LSP1: variants seen among roughly 807,000 people sequenced by gnomAD.
LSP1 encodes the protein lymphocyte specific protein 1, also known as lymphocyte-specific protein 1.
LSP1 carries 32 observed loss-of-function variants against 49.3 expected under a neutral mutation model. That is an observed-to-expected ratio of 0.65 (90% CI 0.49 to 0.87). The LOEUF is 0.87. LSP1 is among the 40% of genes least tolerant of loss of function. LSP1 has a pLI of 0.00. For synonymous variants in LSP1, 179 were observed against 178.8 expected, an observed-to-expected ratio of 1.00 and a Z score of -0.01; for missense variants, 428 against 442.6, an observed-to-expected ratio of 0.97 and a Z score of 0.30.
chr11:1,855,625 C>G (rs563989354), intron 1 of LSP1, among the ~76,000 whole-genome samples: 3 of 152,244 alleles, frequency 2.0e-5, no homozygotes, highest in Non-Finnish European at 4.4e-5. Context: ...AAGAAGGTCC[C>G]CTGACCCTGG....
rs143133439 is a variant in LSP1, at chr11:1,884,154, C to A, written c.592-126C>A. 51 of 1,417,590 alleles carry A rather than the reference C, an allele frequency of 3.6e-5. No homozygotes were observed. Among genetic ancestry groups the A allele is most frequent in the Admixed American group, 1.7e-4 (10 of 58,668 alleles). 87.8% of individuals were successfully genotyped at this position (1,417,590 alleles called of 1,614,324 possible). A position where few individuals can be genotyped will look rare whatever the true frequency, so the allele number is the denominator to read the frequency against. ...TTTTGTCTGCTATCCCCCCATTGCC[C>A]GGTGCTCAGCGAACCCCCATGATAT... On this transcript the variant is annotated intron_variant, in intron 5 of 10. Coordinates refer to ENST00000311604, the MANE Select transcript of LSP1 (RefSeq NM_002339.3). This position sits in a 1 kb window ranked among gnomAD's most constrained non-coding sequence, Gnocchi z 4.1.
intron 10 of LSP1, chr11:1,888,894 T>G: frequency 2.3e-6 from 1 of 425,542 alleles, no homozygotes; most frequent in East Asian, 3.6e-5. Context: ...CGCAGACCCC[T>G]TCTCTGTTCC....
At chr11:1,854,611 A>G (rs1258969963) in intron 1 of LSP1, among the ~76,000 whole-genome samples, 3 of 152,232 alleles carry the variant, frequency 2.0e-5, no homozygotes, top group African/African-American at 7.2e-5. Context: ...AGTGGAGTGG[A>G]GGCTAAGCAG....
chr11:1,866,861 G>C, intron 1 of LSP1: 2 of 1,543,448 alleles, frequency 1.3e-6, no homozygotes, highest in Non-Finnish European at 1.7e-6. Context: ...GTCACCAGGG[G>C]CTCGGCCATG....
intron 1 of LSP1, among the ~76,000 whole-genome samples, chr11:1,860,655 G>A (rs1326181040): frequency 6.6e-6 from 1 of 152,214 alleles, no homozygotes; most frequent in African/African-American, 2.4e-5. Flanking sequence ...TGGAATGGGT[G>A]CTGATTATAT....
At chr11:1,869,383 TGAGA>T (rs1847899528) in intron 1 of LSP1, 2 of 293,582 alleles carry the variant, frequency 6.8e-6, no homozygotes, top group Non-Finnish European at 1.4e-5. Flanking sequence ...GAGAAAGAAA[TGAGA>T]GAAAGGGAGG....
chr11:1,875,273 C>T (rs1848260009), intron 1 of LSP1, among the ~76,000 whole-genome samples: 2 of 152,208 alleles, frequency 1.3e-5, no homozygotes, highest in African/African-American at 4.8e-5. Context: ...ATGTCCAAGT[C>T]CAGGCGCTGC....
At chr11:1,862,211 G>T (rs1847660556) in intron 1 of LSP1, among the ~76,000 whole-genome samples, 1 of 152,154 alleles carries the variant, frequency 6.6e-6, no homozygotes, top group African/African-American at 2.4e-5. Flanking sequence ...TGGATGAGTG[G>T]GTGAATGGAT....
intron 10 of LSP1, chr11:1,890,777 G>A (rs962886095): frequency 8.4e-6 from 5 of 596,814 alleles, no homozygotes; most frequent in Non-Finnish European, 1.5e-5. Flanking sequence ...ACTTTGGGGT[G>A]GCCCCACCAT....
intron 4 of LSP1, 111 bp downstream of exon 4, chr11:1,883,671 GCACCCCA>G: frequency 7.4e-7 from 1 of 1,357,824 alleles, no homozygotes; most frequent in Non-Finnish European, 1.0e-6. Context: ...GAGTGGGTCA[GCACCCCA>G]CACCCCTAGA....
chr11:1,881,724 G>A (rs2271440), intron 3 of LSP1, 128 bp downstream of exon 3: 24,148 of 918,524 alleles, frequency 0.026, 952 homozygotes, highest in South Asian at 0.13. Context: ...GCAGGGCACC[G>A]CGGAGCTCCC....
rs899412959 is a variant in LSP1 at position 1,882,050 on chromosome 11, C to T, written c.356+454C>T. The stretch of plus-strand genomic sequence containing the variant: ...CGGGGCTGGCTGATCTCCATTCCCA[C>T]GGAGGGGAGCAGGTATTTCCAGATG... On this transcript the variant is annotated intron_variant, in intron 3 of 10. Transcript: ENST00000311604. Among the ~76,000 whole-genome samples the T allele has an allele frequency of 3.3e-5, 5 of 152,158 alleles. No homozygotes were observed. In the East Asian group the frequency reaches 7.7e-4, roughly 23 times the overall value.
intron 1 of LSP1, chr11:1,868,857 C>T (rs548352777): frequency 9.5e-4 from 940 of 985,838 alleles, no homozygotes; most frequent in East Asian, 6.8e-3. Flanking sequence ...GGCCAGCAAG[C>T]GGCAGCCAGG....
intron 1 of LSP1, among the ~76,000 whole-genome samples, chr11:1,854,171 A>T (rs1279252211): frequency 6.6e-6 from 1 of 151,888 alleles, no homozygotes; most frequent in Admixed American, 6.6e-5. Context: ...GGTGCTGGGG[A>T]TAGAGGCCGG....
intron 3 of LSP1, among the ~76,000 whole-genome samples, chr11:1,882,542 C>A (rs566963365): frequency 1.6e-3 from 247 of 152,228 alleles, no homozygotes; most frequent in Non-Finnish European, 2.7e-3. Flanking sequence ...TGGGAGTCAG[C>A]GGCTCTGCTT....
At chr11:1,868,030 G>A (rs1238614219) in intron 1 of LSP1, among the ~76,000 whole-genome samples, 1 of 152,228 alleles carries the variant, frequency 6.6e-6, no homozygotes, top group Non-Finnish European at 1.5e-5. Flanking sequence ...AGGCACCTGG[G>A]AGTCTGCCCT....
intron 1 of LSP1, among the ~76,000 whole-genome samples, chr11:1,875,174 C>T (rs72843951): frequency 0.13 from 20,234 of 151,396 alleles, 1,790 homozygotes; most frequent in Middle Eastern, 0.22. Context: ...GGGCTGGTGC[C>T]GTGGAGGGAG....
intron 1 of LSP1, among the ~76,000 whole-genome samples, chr11:1,855,458 G>A (rs370516273): frequency 5.8e-4 from 89 of 152,322 alleles, no homozygotes; most frequent in African/African-American, 1.9e-3. Flanking sequence ...CCCTCCAGCT[G>A]GACAAGTGGG....
chr11:1,864,851 G>T (rs1323218710), intron 1 of LSP1, among the ~76,000 whole-genome samples: 1 of 151,996 alleles, frequency 6.6e-6, no homozygotes, highest in Non-Finnish European at 1.5e-5. Flanking sequence ...CCAGAGGGAG[G>T]GACCAGGCTG....
Sources: allele counts gnomAD v4.1 joint callset (sites outside exome capture counted in the v4.1 genomes callset), GRCh38; gene constraint gnomAD v4.1.1; non-coding constraint Gnocchi (gnomAD v3.1); transcripts MANE v1.5; gene names NCBI Gene and HGNC (gene_info 2026-07-23, HGNC 2026-07-21).